Variants in TSC22D2 observed in about 807,000 individuals in gnomAD.
TSC22D2 encodes the protein TSC22 domain family member 2, also known as TSC22 domain family protein 2.
A neutral mutation model predicts 50.1 loss-of-function variants in TSC22D2; 5 were observed. The observed-to-expected ratio is 0.10, with a 90% CI of 0.05 to 0.21. The LOEUF is 0.21. Ranked by LOEUF, TSC22D2 falls within the 10% of genes least tolerant of loss-of-function variation. The pLI is 1.00. For missense variants in TSC22D2, 1,003 were observed against 1,015.5 expected, an observed-to-expected ratio of 0.99 and a Z score of 0.17; for synonymous variants, 501 against 450.1, an observed-to-expected ratio of 1.11 and a Z score of -1.43.
chr3:150,434,365 C>T (rs1720471839), intron 1 of TSC22D2, among the ~76,000 whole-genome samples: 1 of 152,092 alleles, frequency 6.6e-6, no homozygotes, highest in Admixed American at 6.6e-5. Flanking sequence ...TGGTCTCAAA[C>T]TCCTGGCTTC....
chr3:150,423,199 A>G, intron 1 of TSC22D2: 1 of 1,032,226 alleles, frequency 9.7e-7, no homozygotes, highest in Non-Finnish European at 1.4e-6. Flanking sequence ...GTTTCTCATT[A>G]AAACTGATCT....
At chr3:150,425,354 A>G (rs1209518280) in intron 1 of TSC22D2, among the ~76,000 whole-genome samples, 1 of 152,066 alleles carries the variant, frequency 6.6e-6, no homozygotes, top group Non-Finnish European at 1.5e-5. Context: ...GTGAAACCCC[A>G]TCTCTACTAA....
chr3:150,425,130 A>G (rs1473814403), intron 1 of TSC22D2, among the ~76,000 whole-genome samples: 2 of 152,218 alleles, frequency 1.3e-5, no homozygotes. Context: ...GGAAATCACC[A>G]AATCACATTG....
At position 150,409,929 on chromosome 3, in the gene TSC22D2, C is replaced by T. The variant is rs1430594246; in HGVS notation, c.579C>T (p.Ser193=). 2.5e-6 allele frequency: 4 copies of T among 1,613,856 alleles called. No homozygotes were observed. Among genetic ancestry groups the T allele is most frequent in the African/African-American group, 2.7e-5 (2 of 74,942 alleles). Residue 193 remains serine, a synonymous_variant, in exon 1 of 3, where the codon AGC becomes AGT. Coordinates refer to ENST00000688009, the MANE Select transcript of TSC22D2 (RefSeq NM_001303264.2). The surrounding 1 kb of genome is among the most constrained non-coding windows in gnomAD (Gnocchi z 7.4). ...ACTATGAGAGGGATTCAGACAGCAG[C>T]GTCCTGACTAGATCCGGGGATTGCA... ...MEYYERDSDS[S]VLTRSGDCIR... is the part of the protein sequence containing the mutation.
Position 150,409,052 on chromosome 3 carries a change from G to A in TSC22D2, c.-299G>A, listed in dbSNP as rs1160043799. The A allele has an allele frequency of 7.6e-6, 2 of 262,190 alleles. No homozygotes were observed. The highest frequency in any genetic ancestry group is 1.5e-5 in the Non-Finnish European group (2 of 137,012). The allele number at this position is 262,190 out of a possible 1,614,324, so 16.2% of individuals were successfully genotyped here. On this transcript the variant is annotated 5_prime_UTR_variant, in exon 1 of 3. Coordinates refer to ENST00000688009, the MANE Select transcript of TSC22D2 (RefSeq NM_001303264.2). This position sits in a 1 kb window ranked among gnomAD's most constrained non-coding sequence, Gnocchi z 7.4. ...CCGCCCCTGGGTTCGCGCTCTCGCC[G>A]CCTCTGAGGGAATTGAATTGAGGCG...
intron 1 of TSC22D2, among the ~76,000 whole-genome samples, chr3:150,448,649 A>G (rs1480790262): frequency 1.3e-5 from 2 of 152,158 alleles, no homozygotes; most frequent in East Asian, 3.8e-4. Context: ...CTTTTGTATC[A>G]GTCTTCAATT....
At position 150,410,635 on chromosome 3, in the gene TSC22D2, G is replaced by T. The variant is rs35772819; in HGVS notation, c.1285G>T (p.Ala429Ser). 3 of 1,553,256 alleles carry T rather than the reference G, an allele frequency of 1.9e-6. No individual in the cohort carries two copies. Among genetic ancestry groups the T allele is most frequent in the Non-Finnish European group, 2.6e-6 (3 of 1,151,810 alleles). The change falls in exon 1 of 3, where the codon GCG (alanine) becomes TCG (serine). Residue 429 changes from alanine (A) to serine (S), a missense_variant. By Grantham distance (99) the Ala-to-Ser change is moderately conservative. Transcript: ENST00000688009. The part of the protein sequence containing the change: ...ASSVGAQLMG[A>S]SSQPSEAMAP... ...CTCGGTGGGCGCGCAGCTCATGGGC[G>T]CGTCTTCCCAGCCCAGCGAAGCCAT...
intron 1 of TSC22D2, among the ~76,000 whole-genome samples, chr3:150,439,774 C>G (rs1720657038): frequency 6.6e-6 from 1 of 152,026 alleles, no homozygotes; most frequent in African/African-American, 2.4e-5. Context: ...TTGTTAGACA[C>G]CTAAGTATGA....
intron 1 of TSC22D2, among the ~76,000 whole-genome samples, chr3:150,455,721 C>CT (rs966038016): frequency 3.9e-5 from 6 of 152,110 alleles, no homozygotes; most frequent in African/African-American, 1.4e-4. Flanking sequence ...TCCACACCAT[C>CT]TAAAGTAAAG....
intron 1 of TSC22D2, among the ~76,000 whole-genome samples, chr3:150,439,639 C>T (rs73007779): frequency 0.025 from 3,727 of 152,056 alleles, 159 homozygotes; most frequent in African/African-American, 0.084. Flanking sequence ...TTTTTATGTT[C>T]ACTTTTCTGT....
chr3:150,410,508 C>A lies in TSC22D2; in HGVS notation c.1158C>A (p.Ala386=). Residue 386 remains alanine (A), a synonymous_variant, in exon 1 of 3, where the codon GCC becomes GCA. Coordinates refer to ENST00000688009, the MANE Select transcript of TSC22D2 (RefSeq NM_001303264.2). ...GQSEYLQQHV[A]GLQPPSPAQP... is the part of the protein sequence containing the mutation. ...GTGAGTACCTGCAGCAGCACGTGGC[C>A]GGCCTGCAGCCGCCAAGCCCCGCGC... 6.3e-7 allele frequency: 1 copy of A among 1,593,548 alleles called. No individual in the cohort carries two copies. The highest frequency in any genetic ancestry group is 1.7e-4 in the Middle Eastern group (1 of 5,996).
At chr3:150,433,709 A>G (rs1041501633) in intron 1 of TSC22D2, among the ~76,000 whole-genome samples, 1 of 152,230 alleles carries the variant, frequency 6.6e-6, no homozygotes, top group African/African-American at 2.4e-5. Flanking sequence ...TAGAGTAGTC[A>G]TAACTACTTT....
chr3:150,427,313 C>T (rs1265841913), intron 1 of TSC22D2, among the ~76,000 whole-genome samples: 2 of 152,042 alleles, frequency 1.3e-5, no homozygotes, highest in African/African-American at 4.8e-5. Flanking sequence ...ATTATAAGCC[C>T]CTTTCATGTC....
intron 1 of TSC22D2, among the ~76,000 whole-genome samples, chr3:150,453,716 T>G (rs1721110034): frequency 6.6e-6 from 1 of 152,210 alleles, no homozygotes. Context: ...CTCAAAAAAT[T>G]TTAATGCCTT....
At chr3:150,437,392 T>C (rs923273732) in intron 1 of TSC22D2, among the ~76,000 whole-genome samples, 6 of 152,148 alleles carry the variant, frequency 3.9e-5, no homozygotes, top group African/African-American at 1.4e-4. Flanking sequence ...ATGTTGTCTA[T>C]TTTCAAAATT....
chr3:150,422,427 C>T (rs1720040469), intron 1 of TSC22D2, among the ~76,000 whole-genome samples: 1 of 152,164 alleles, frequency 6.6e-6, no homozygotes, highest in Non-Finnish European at 1.5e-5. Flanking sequence ...GGCTTTTACC[C>T]CTAAAGTAAC....
At position 150,419,912 on chromosome 3, in the gene TSC22D2, G is replaced by A; in HGVS notation, c.1958+8604G>A. On this transcript the variant is annotated intron_variant, in intron 1 of 2. Transcript: ENST00000688009. ...AATTGCTTCGTTGGCTCTATATTTA[G>A]AATGGTAGTTTATATTAATATCAAA... 1.3e-5 allele frequency among the ~76,000 whole-genome samples: 2 copies of A among 152,156 alleles called. 1 individual carries two copies. The highest frequency in any genetic ancestry group is 4.1e-4 in the South Asian group (2 of 4,826).
chr3:150,463,004 G>A lies in TSC22D2; in HGVS notation c.*4368G>A, dbSNP rs12629077. ...CAACTCATACTTGAAAGTTTGACTC[G>A]GTCTTTTCCTTCCAACAGTTATAAA... On this transcript the variant is annotated 3_prime_UTR_variant, in exon 3 of 3. Coordinates refer to ENST00000688009, the MANE Select transcript of TSC22D2 (RefSeq NM_001303264.2). The A allele has an allele frequency of 0.26, 39,559 of 152,086 alleles. 5,380 individuals are homozygous for A. The highest frequency in any genetic ancestry group is 0.42 in the Middle Eastern group (122 of 290). The allele number at this position is 152,086 out of a possible 1,614,324, so 9.4% of individuals were successfully genotyped here.
intron 1 of TSC22D2, among the ~76,000 whole-genome samples, chr3:150,421,083 C>T (rs1560081913): frequency 6.6e-6 from 1 of 151,722 alleles, no homozygotes; most frequent in African/African-American, 2.4e-5. Flanking sequence ...AACTCTGTCT[C>T]CAAAAAATAA....
Sources: allele counts gnomAD v4.1 joint callset (sites outside exome capture counted in the v4.1 genomes callset), GRCh38; gene constraint gnomAD v4.1.1; non-coding constraint Gnocchi (gnomAD v3.1); transcripts MANE v1.5; gene names NCBI Gene and HGNC (gene_info 2026-07-23, HGNC 2026-07-21).